The following CADM2 variants were observed in gnomAD, a reference collection of about 807,000 sequenced individuals.
The protein encoded by CADM2 is cell adhesion molecule 2, also known as immunoglobulin superfamily member 4D.
Under a neutral mutation model 49.8 loss-of-function variants are expected in CADM2, and 12 were observed. The ratio of observed to expected loss-of-function variants is 0.24; its 90% CI spans 0.15 to 0.39. The LOEUF (loss-of-function observed/expected upper bound fraction) is 0.39, where lower values mean the gene tolerates loss of function less well. Among genes scored for constraint, CADM2 ranks in the 10% least tolerant of loss-of-function variants. The pLI, the probability that CADM2 is intolerant of heterozygous loss-of-function variation, is 1.00. For synonymous variants in CADM2, 214 were observed against 175.4 expected (o/e 1.22, Z -1.74); for missense variants, 378 against 492.3 (o/e 0.77, Z 2.20).
At chr3:85,487,945 A>T (rs2039499105) in intron 1 of CADM2, among the ~76,000 whole-genome samples, 2 of 151,980 alleles carry the variant, frequency 1.3e-5, no homozygotes, top group South Asian at 4.2e-4. Context: ...CTAATTTCAC[A>T]CCCCATTTTA....
chr3:85,835,687 T>C (rs1244818575), intron 3 of CADM2, among the ~76,000 whole-genome samples: 2 of 149,402 alleles, frequency 1.3e-5, no homozygotes, highest in Non-Finnish European at 3.0e-5. Flanking sequence ...TTGTTTATGA[T>C]ACAGCAAGTA....
intron 1 of CADM2, among the ~76,000 whole-genome samples, chr3:85,149,611 C>G (rs1423264442): frequency 2.0e-5 from 3 of 152,102 alleles, no homozygotes; most frequent in African/African-American, 7.2e-5. Context: ...GTGGCAGGTG[C>G]CTGTAGTCCC....
intron 7 of CADM2, among the ~76,000 whole-genome samples, chr3:85,943,724 G>A (rs1722272866): frequency 6.6e-6 from 1 of 151,856 alleles, no homozygotes; most frequent in South Asian, 2.1e-4. Flanking sequence ...GAACCAAACA[G>A]AGCCCTCAGA....
chr3:86,052,068 T>C (rs562272107), intron 8 of CADM2, among the ~76,000 whole-genome samples: 53 of 152,298 alleles, frequency 3.5e-4, no homozygotes, highest in African/African-American at 1.3e-3. Flanking sequence ...AAAATGGATT[T>C]ATTTGAAGGT....
chr3:85,615,193 T>G (rs2063767800), intron 1 of CADM2, among the ~76,000 whole-genome samples: 1 of 150,970 alleles, frequency 6.6e-6, no homozygotes, highest in Non-Finnish European at 1.5e-5. Flanking sequence ...ATATTCCTCT[T>G]AAGTACTACA....
At chr3:85,797,702 T>A (rs945792923) in intron 2 of CADM2, among the ~76,000 whole-genome samples, 1 of 152,220 alleles carries the variant, frequency 6.6e-6, no homozygotes, top group Non-Finnish European at 1.5e-5. Flanking sequence ...CTATTGTGAA[T>A]ACAGCTGCAA....
intron 1 of CADM2, among the ~76,000 whole-genome samples, chr3:85,491,680 G>A (rs894706399): frequency 6.6e-6 from 1 of 151,996 alleles, no homozygotes; most frequent in Admixed American, 6.6e-5. Flanking sequence ...GGCCGGGCAC[G>A]GTGGCTCACA....
intron 1 of CADM2, among the ~76,000 whole-genome samples, chr3:85,261,630 C>A (rs756156460): frequency 6.6e-6 from 1 of 151,910 alleles, no homozygotes; most frequent in East Asian, 1.9e-4. Context: ...TAATGTTAAT[C>A]GAATGTTCAT....
Position 85,409,066 on chromosome 3 carries a change from C to G in CADM2, c.62-317456C>G, listed in dbSNP as rs557005152. On this transcript the variant is annotated intron_variant, in intron 1 of 9. Transcript: ENST00000383699. Reference sequence around the variant, plus strand: ...ACTTCACTTCATTGTGGTTTACTTACATTTATGCCAGAGTCATGCCAAATG... The same window carrying G: ...ACTTCACTTCATTGTGGTTTACTTAGATTTATGCCAGAGTCATGCCAAATG... Among the ~76,000 whole-genome samples, 20 of 152,286 alleles carry G rather than the reference C, an allele frequency of 1.3e-4. No homozygotes were observed. In the East Asian group the frequency reaches 3.7e-3, roughly 28 times the overall value.
chr3:85,286,775 T>G (rs1472495393), intron 1 of CADM2, among the ~76,000 whole-genome samples: 2 of 152,164 alleles, frequency 1.3e-5, no homozygotes, highest in Non-Finnish European at 2.9e-5. Context: ...GCATCCTATT[T>G]TTTGGGTACA....
intron 1 of CADM2, among the ~76,000 whole-genome samples, chr3:85,680,099 T>C (rs1328475466): frequency 6.6e-6 from 1 of 152,072 alleles, no homozygotes; most frequent in Non-Finnish European, 1.5e-5. Flanking sequence ...GGAGAATAAA[T>C]TTTTAAAAGG....
Position 85,527,969 on chromosome 3 carries a change from T to G in CADM2, c.62-198553T>G, listed in dbSNP as rs1475525726. Reference sequence around the variant, plus strand: ...GTCAAGTATTATTTAGTAAAAATGTTTTAACAATTCATTGCTTATATATGA... The same window carrying G: ...GTCAAGTATTATTTAGTAAAAATGTGTTAACAATTCATTGCTTATATATGA... On this transcript the variant is annotated intron_variant, in intron 1 of 9. Transcript: ENST00000383699. 2.0e-5 allele frequency among the ~76,000 whole-genome samples: 3 copies of G among 152,322 alleles called. No homozygotes were observed. In the East Asian group the frequency reaches 5.8e-4, roughly 29 times the overall value.
intron 1 of CADM2, among the ~76,000 whole-genome samples, chr3:85,365,048 T>TA (rs538776944): frequency 3.9e-5 from 6 of 152,306 alleles, no homozygotes; most frequent in Non-Finnish European, 8.8e-5. Context: ...CAATAGTTTT[T>TA]ATGAATGAAT....
At chr3:85,466,458 G>A (rs868446276) in intron 1 of CADM2, among the ~76,000 whole-genome samples, 6 of 152,096 alleles carry the variant, frequency 3.9e-5, no homozygotes, top group African/African-American at 9.7e-5. Flanking sequence ...CGCTAAAAAC[G>A]CTTTGCCTTT....
intron 1 of CADM2, among the ~76,000 whole-genome samples, chr3:84,964,884 A>C (rs890110235): frequency 6.6e-6 from 1 of 152,190 alleles, no homozygotes; most frequent in Non-Finnish European, 1.5e-5. Context: ...ATACTTTGTC[A>C]AGTCACATAA....
At chr3:85,931,648 T>C (rs186446289) in intron 6 of CADM2, among the ~76,000 whole-genome samples, 4 of 152,218 alleles carry the variant, frequency 2.6e-5, no homozygotes, top group Admixed American at 6.5e-5. Flanking sequence ...AGCAAAAGCA[T>C]TTGAATTAAG....
At chr3:85,395,857 A>G (rs1168045685) in intron 1 of CADM2, among the ~76,000 whole-genome samples, 1 of 151,190 alleles carries the variant, frequency 6.6e-6, no homozygotes, top group African/African-American at 2.4e-5. Flanking sequence ...TTTAAAAATC[A>G]CACCCATGTT....
intron 1 of CADM2, among the ~76,000 whole-genome samples, chr3:85,164,947 A>C (rs1408868830): frequency 6.6e-6 from 1 of 151,692 alleles, no homozygotes; most frequent in East Asian, 1.9e-4. Flanking sequence ...ATATATATAG[A>C]AAGTGTATGT....
rs550838629 is a variant in CADM2, at chr3:85,774,217, T to A, written c.89-27830T>A. The stretch of plus-strand genomic sequence containing the variant: ...TGTCTCTCAACAAACAGTTGTACAG[T>A]CTCCTGGTTTAGATGGACAGGAGAA... On this transcript the variant is annotated intron_variant, in intron 2 of 9. Coordinates refer to ENST00000383699, the MANE Select transcript of CADM2 (RefSeq NM_001167675.2). Among the ~76,000 whole-genome samples, 6 of 151,962 alleles carry A rather than the reference T, an allele frequency of 3.9e-5. No homozygotes were observed. The East Asian group carries it at 1.2e-3, about 29-fold the overall frequency.
Sources: gnomAD v4.1 joint callset for allele counts (sites outside exome capture counted in the v4.1 genomes callset) on GRCh38, gnomAD v4.1.1 for gene constraint, MANE v1.5 for transcripts, NCBI Gene and HGNC (gene_info 2026-07-23, HGNC 2026-07-21) for gene names.